Variants in ABCA4 observed in about 807,000 individuals in gnomAD.
ABCA4 encodes retinal-specific phospholipid-transporting ATPase ABCA4.
ABCA4 carries 196 observed loss-of-function variants against 263.7 expected under a neutral mutation model. The observed-to-expected ratio is 0.74, with a 90% CI of 0.66 to 0.84. The LOEUF (loss-of-function observed/expected upper bound fraction) is 0.84. ABCA4 is among the 40% of genes least tolerant of loss of function. ABCA4 has a pLI of 0.00. For missense variants in ABCA4, 2,792 were observed against 2,855.1 expected, an observed-to-expected ratio of 0.98 and a Z score of 0.50; for synonymous variants, 1,133 against 1,094.2, an observed-to-expected ratio of 1.04 and a Z score of -0.70.
At chr1:94,011,407 G>A in intron 38 of ABCA4, 22 bp from the exon 39 acceptor site, 1 of 1,610,262 alleles carries the variant, frequency 6.2e-7, no homozygotes, top group South Asian at 1.1e-5. Flanking sequence ...AAGTAGGACT[G>A]TTGGAAACGG....
intron 44 of ABCA4, 74 bp downstream of exon 44, chr1:94,005,367 A>G: frequency 1.3e-6 from 2 of 1,583,904 alleles, no homozygotes; most frequent in South Asian, 2.2e-5. Context: ...TCTCATCTCC[A>G]AGAGAATGCA....
rs1301219180 is a variant in ABCA4, at chr1:94,024,934, AT to A, written c.4634+19del. The A allele has an allele frequency of 6.3e-7, 1 of 1,596,068 alleles. No individual in the cohort carries two copies. Among genetic ancestry groups the A allele is most frequent in the Non-Finnish European group, 8.6e-7 (1 of 1,163,650 alleles). ...TCTACAGGGAGCCAGGATAAAAAGC[AT>A]AAAAGGATTTCTTCTTACCTGCTTC... On this transcript the variant is annotated intron_variant, in intron 31 of 49. Transcript: ENST00000370225.
chr1:94,060,801 A>G (rs1661102413), intron 13 of ABCA4, 42 bp from the exon 14 acceptor site: 12 of 1,453,412 alleles, frequency 8.3e-6, no homozygotes, highest in African/African-American at 1.4e-5. Flanking sequence ...AGTGCTCTGT[A>G]CCTGGTAGAG....
chr1:94,001,509 A>C, intron 45 of ABCA4: 1 of 550,740 alleles, frequency 1.8e-6, no homozygotes, highest in Admixed American at 2.2e-5. Flanking sequence ...GGCCTGGCTC[A>C]GCTCAGGAGC....
In ABCA4 at chr1:94,032,195, A is replaced by G. The variant is rs1308004277; in HGVS notation, c.3863-152T>C. ...TGGTAGCTTAATCATCTTTATAAAA[A>G]TCTATTTCTAGTGTAAATTACTTAT... On this transcript the variant is annotated intron_variant, in intron 26 of 49. Transcript: ENST00000370225. The G allele has an allele frequency of 7.2e-6, 7 of 967,472 alleles. No homozygotes were observed. The Admixed American group carries it at 1.0e-4, about 14-fold the overall frequency. The allele number at this position is 967,472 out of a possible 1,614,324, so 59.9% of individuals were successfully genotyped here.
chr1:94,034,075 A>G (rs1055858128), intron 26 of ABCA4, among the ~76,000 whole-genome samples: 2 of 152,196 alleles, frequency 1.3e-5, no homozygotes, highest in Non-Finnish European at 2.9e-5. Context: ...GTTACTGACT[A>G]TGAGTCACCC....
At chr1:94,035,309 T>C (rs1660309351) in intron 26 of ABCA4, among the ~76,000 whole-genome samples, 1 of 152,218 alleles carries the variant, frequency 6.6e-6, no homozygotes, top group Non-Finnish European at 1.5e-5. Context: ...GAGCTGAGAT[T>C]ATTCAATTTC....
chr1:94,049,663 T>C (rs1323097418), intron 17 of ABCA4, among the ~76,000 whole-genome samples: 1 of 152,156 alleles, frequency 6.6e-6, no homozygotes, highest in Admixed American at 6.5e-5. Context: ...CAAAGTGCTA[T>C]GACGGGCAGC....
chr1:94,097,765 A>T (rs559051512), intron 6 of ABCA4, among the ~76,000 whole-genome samples: 7 of 152,102 alleles, frequency 4.6e-5, no homozygotes, highest in African/African-American at 1.4e-4. Flanking sequence ...GTTTGTTTTT[A>T]TTGAGACGGA....
intron 36 of ABCA4, 86 bp downstream of exon 36, chr1:94,019,496 C>T: frequency 6.9e-7 from 1 of 1,450,428 alleles, no homozygotes; most frequent in Admixed American, 2.1e-5. Flanking sequence ...GAGAACCCCT[C>T]CCCTCTTGGT....
At chr1:94,117,431 G>T (rs1177491884) in intron 1 of ABCA4, among the ~76,000 whole-genome samples, 5 of 151,696 alleles carry the variant, frequency 3.3e-5, no homozygotes, top group African/African-American at 4.9e-5. Flanking sequence ...CCAGGGTGTG[G>T]TGTCCAAAAC....
chr1:94,064,453 G>A (rs569662769), intron 11 of ABCA4, among the ~76,000 whole-genome samples: 218 of 152,304 alleles, frequency 1.4e-3, no homozygotes, highest in African/African-American at 4.9e-3. Flanking sequence ...GGAATTAGCC[G>A]AGGAGAGGAA....
intron 37 of ABCA4, 79 bp downstream of exon 37, chr1:94,015,660 T>G: frequency 8.1e-7 from 1 of 1,239,694 alleles, no homozygotes; most frequent in Non-Finnish European, 1.2e-6. Flanking sequence ...CAGCCCAGGT[T>G]TTCTGTCAGG....
At chr1:94,114,072 C>T (rs572372199) in intron 1 of ABCA4, among the ~76,000 whole-genome samples, 2 of 152,126 alleles carry the variant, frequency 1.3e-5, no homozygotes, top group Non-Finnish European at 2.9e-5. Context: ...AGCAGCTGGC[C>T]GGGGAATAGC....
chr1:94,118,526 C>T (rs1007964489), intron 1 of ABCA4, among the ~76,000 whole-genome samples: 5 of 152,338 alleles, frequency 3.3e-5, no homozygotes, highest in Non-Finnish European at 5.9e-5. Flanking sequence ...CCACAGATCC[C>T]TCTCAGAGCT....
chr1:94,082,723 GT>G (rs904715081), intron 7 of ABCA4, among the ~76,000 whole-genome samples: 3 of 152,122 alleles, frequency 2.0e-5, no homozygotes, highest in Non-Finnish European at 2.9e-5. Flanking sequence ...GAAGAGAATT[GT>G]TTTTTTCCCA....
chr1:94,025,235 T>A (rs1005022028), intron 30 of ABCA4, among the ~76,000 whole-genome samples, 187 bp from the exon 31 acceptor site: 1 of 152,234 alleles, frequency 6.6e-6, no homozygotes. Flanking sequence ...TGCCTCTTTT[T>A]TCGCCAATCC....
At chr1:94,007,511 T>TTCTCTG (rs1190042303) in intron 43 of ABCA4, 123 bp downstream of exon 43, 2 of 885,892 alleles carry the variant, frequency 2.3e-6, no homozygotes, top group African/African-American at 3.3e-5. Flanking sequence ...GGAGGCCTCC[T>TTCTCTG]TCTCTGTACA....
intron 4 of ABCA4, among the ~76,000 whole-genome samples, chr1:94,103,519 T>A (rs180982361): frequency 3.3e-5 from 5 of 152,082 alleles, no homozygotes; most frequent in Non-Finnish European, 7.4e-5. Flanking sequence ...GTGTCACAAC[T>A]GGGGAGGTGC....
Sources: allele counts gnomAD v4.1 joint callset (sites outside exome capture counted in the v4.1 genomes callset), GRCh38; gene constraint gnomAD v4.1.1; transcripts MANE v1.5; gene names NCBI Gene and HGNC (gene_info 2026-07-23, HGNC 2026-07-21).